Variants in SGCZ observed in about 807,000 individuals in gnomAD.
SGCZ encodes the protein sarcoglycan zeta, also known as zeta-sarcoglycan.
In SGCZ, 40 loss-of-function variants were observed where a neutral mutation model predicts 41.3. The ratio of observed to expected loss-of-function variants is 0.97; its 90% confidence interval spans 0.75 to 1.26. The LOEUF (loss-of-function observed/expected upper bound fraction) is 1.26. Ranked by LOEUF, SGCZ falls within the 50% of genes most tolerant of loss-of-function variation. SGCZ has a pLI of 0.00. For missense variants in SGCZ, 552 were observed against 369.8 expected (o/e 1.49, Z -4.04); for synonymous variants, 206 against 137.5 (o/e 1.50, Z -3.49).
chr8:15,204,423 T>C (rs1460497269), intron 1 of SGCZ, among the ~76,000 whole-genome samples: 1 of 152,150 alleles, frequency 6.6e-6, no homozygotes, highest in African/African-American at 2.4e-5. Context: ...TTATCTGTAA[T>C]TGCATTATTT....
At chr8:14,094,887 T>C (rs1801795520) in intron 7 of SGCZ, among the ~76,000 whole-genome samples, 1 of 152,218 alleles carries the variant, frequency 6.6e-6, no homozygotes, top group Non-Finnish European at 1.5e-5. Context: ...TAATGACCAA[T>C]GATGAAGAGC....
At chr8:14,229,362 C>G (rs925076817) in intron 4 of SGCZ, among the ~76,000 whole-genome samples, 1 of 151,984 alleles carries the variant, frequency 6.6e-6, no homozygotes, top group African/African-American at 2.4e-5. Flanking sequence ...ACCTGAGTTA[C>G]AAAGACTGAG....
chr8:14,330,419 A>G (rs984070745), intron 2 of SGCZ, among the ~76,000 whole-genome samples: 6 of 152,124 alleles, frequency 3.9e-5, no homozygotes, highest in Non-Finnish European at 5.9e-5. Flanking sequence ...AACTGAAAGT[A>G]ATCTTTAGCA....
intron 7 of SGCZ, among the ~76,000 whole-genome samples, chr8:14,099,570 C>CAAAT (rs1373419287): frequency 6.6e-6 from 1 of 152,034 alleles, no homozygotes; most frequent in Non-Finnish European, 1.5e-5. Flanking sequence ...TCTAAAAGTA[C>CAAAT]AAATATTAGC....
At chr8:14,628,596 C>A (rs887200317) in intron 1 of SGCZ, among the ~76,000 whole-genome samples, 2 of 152,000 alleles carry the variant, frequency 1.3e-5, no homozygotes, top group African/African-American at 4.8e-5. Context: ...TTTTCAAATG[C>A]AAGAGAGGAG....
At chr8:14,952,151 A>G (rs1800660691) in intron 1 of SGCZ, among the ~76,000 whole-genome samples, 1 of 152,072 alleles carries the variant, frequency 6.6e-6, no homozygotes, top group African/African-American at 2.4e-5. Context: ...AACACACTAA[A>G]ATATATTTTT....
chr8:14,497,885 G>A (rs1802038815), intron 2 of SGCZ, among the ~76,000 whole-genome samples: 1 of 152,200 alleles, frequency 6.6e-6, no homozygotes, highest in African/African-American at 2.4e-5. Flanking sequence ...AATTTTAAAT[G>A]GGTCCTGCCA....
At chr8:15,103,950 C>T (rs1208310614) in intron 1 of SGCZ, among the ~76,000 whole-genome samples, 1 of 152,150 alleles carries the variant, frequency 6.6e-6, no homozygotes, top group African/African-American at 2.4e-5. Context: ...ATAGAGCAAT[C>T]CAGGCAACAG....
intron 1 of SGCZ, among the ~76,000 whole-genome samples, chr8:14,728,816 C>T (rs1051405859): frequency 1.3e-5 from 2 of 152,050 alleles, no homozygotes; most frequent in Non-Finnish European, 2.9e-5. Context: ...AAGTTGAATG[C>T]GTGTGGTGAG....
At chr8:14,466,290 C>T (rs749951659) in intron 2 of SGCZ, among the ~76,000 whole-genome samples, 6 of 151,980 alleles carry the variant, frequency 3.9e-5, no homozygotes, top group Non-Finnish European at 7.4e-5. Context: ...TTAAATATAT[C>T]TGCTCAATGC....
intron 1 of SGCZ, among the ~76,000 whole-genome samples, chr8:14,829,675 A>G (rs1354159285): frequency 6.7e-6 from 1 of 148,808 alleles, no homozygotes; most frequent in African/African-American, 2.5e-5. Flanking sequence ...CGTTTCTTCT[A>G]TTTTCTTACG....
chr8:14,832,550 T>A (rs940808510), intron 1 of SGCZ, among the ~76,000 whole-genome samples: 5 of 152,108 alleles, frequency 3.3e-5, no homozygotes, highest in African/African-American at 1.2e-4. Context: ...TAATTGAAGA[T>A]AGAAAAAGCT....
intron 4 of SGCZ, among the ~76,000 whole-genome samples, chr8:14,217,058 T>A (rs1024065969): frequency 6.6e-6 from 1 of 151,858 alleles, no homozygotes; most frequent in Non-Finnish European, 1.5e-5. Flanking sequence ...GAGGCCGAGG[T>A]GGGTGGATCA....
intron 2 of SGCZ, among the ~76,000 whole-genome samples, chr8:14,429,298 G>A (rs1431505277): frequency 1.3e-5 from 2 of 152,186 alleles, no homozygotes; most frequent in Non-Finnish European, 2.9e-5. Flanking sequence ...GGGTTGTCAG[G>A]GTAGAAGGTG....
rs190913055 is a variant in SGCZ at position 14,603,080 on chromosome 8, G to A, written c.40-48154C>T. ...CTAGTAGGGGACTTGACATACGCCG[G>A]GGGCAACCCATTGTGAAGGAGCTAG... is the stretch of plus-strand genomic sequence containing the variant. On this transcript the variant is annotated intron_variant, in intron 1 of 7. Transcript: ENST00000382080. Among the ~76,000 whole-genome samples the A allele has an allele frequency of 2.6e-5, 4 of 152,208 alleles. No homozygotes were observed. In the East Asian group the frequency reaches 7.8e-4, roughly 30 times the overall value.
rs560611723 is a variant in SGCZ, at chr8:14,582,640, T to C, written c.40-27714A>G. ...GTCATTTAGCATTAGGTATATCTCC[T>C]AATGCTATCCCTCCCCCCTCCCCCC... On this transcript the variant is annotated intron_variant, in intron 1 of 7. Transcript: ENST00000382080. Among the ~76,000 whole-genome samples the C allele has an allele frequency of 1.5e-4, 22 of 145,808 alleles. No individual in the cohort carries two copies. In the South Asian group the frequency reaches 3.7e-3, roughly 25 times the overall value.
chr8:14,803,041 G>C (rs774915410), intron 1 of SGCZ, among the ~76,000 whole-genome samples: 1 of 152,090 alleles, frequency 6.6e-6, no homozygotes, highest in Non-Finnish European at 1.5e-5. Context: ...TAATCAATCT[G>C]ACCTTTTAAA....
At chr8:15,205,987 G>A (rs1377773271) in intron 1 of SGCZ, among the ~76,000 whole-genome samples, 1 of 152,140 alleles carries the variant, frequency 6.6e-6, no homozygotes, top group Admixed American at 6.6e-5. Flanking sequence ...ATACATGAAT[G>A]GAAAACCAAA....
intron 1 of SGCZ, among the ~76,000 whole-genome samples, chr8:14,811,080 A>C (rs961755471): frequency 6.6e-6 from 1 of 152,054 alleles, no homozygotes; most frequent in Non-Finnish European, 1.5e-5. Flanking sequence ...TATATAAAAA[A>C]AGTTTTTAAA....
Sources: allele counts gnomAD v4.1 joint callset (sites outside exome capture counted in the v4.1 genomes callset), GRCh38; gene constraint gnomAD v4.1.1; transcripts MANE v1.5; gene names NCBI Gene and HGNC (gene_info 2026-07-23, HGNC 2026-07-21).